FREM2: variants seen among roughly 807,000 people sequenced by gnomAD.
The protein encoded by FREM2 is FRAS1-related extracellular matrix protein 2.
FREM2 carries 119 observed loss-of-function variants against 219.9 expected under a neutral mutation model. That is an observed-to-expected ratio of 0.54 (90% CI 0.47 to 0.63). The LOEUF (loss-of-function observed/expected upper bound fraction) is 0.63. FREM2 is among the 30% of genes least tolerant of loss of function. The pLI, the probability that FREM2 is intolerant of heterozygous loss-of-function variation, is 0.00. For synonymous variants in FREM2, 1,562 were observed against 1,522.8 expected, an observed-to-expected ratio of 1.03 and a Z score of -0.60; for missense variants, 4,030 against 3,993.6, an observed-to-expected ratio of 1.01 and a Z score of -0.25.
chr13:38,763,481 C>T (rs55864343), intron 2 of FREM2, among the ~76,000 whole-genome samples: 3 of 101,396 alleles, frequency 3.0e-5, no homozygotes, highest in African/African-American at 5.1e-5. Flanking sequence ...TTTTTTTACA[C>T]CCTCTTTCAG....
intron 3 of FREM2, among the ~76,000 whole-genome samples, chr13:38,765,706 T>G (rs1873407586): frequency 6.6e-6 from 1 of 152,132 alleles, no homozygotes; most frequent in Non-Finnish European, 1.5e-5. Context: ...CCCTTACTTT[T>G]AAAATTCTTT....
At chr13:38,788,158 C>T (rs7338488) in intron 6 of FREM2, among the ~76,000 whole-genome samples, 77,749 of 151,894 alleles carry the variant, frequency 0.51, 21,855 homozygotes, top group Non-Finnish European at 0.64. Context: ...GCAAAATAAA[C>T]CCAGTTTACA....
At chr13:38,857,221 G>A (rs990337241) in intron 12 of FREM2, among the ~76,000 whole-genome samples, 5 of 152,118 alleles carry the variant, frequency 3.3e-5, no homozygotes, top group Non-Finnish European at 5.9e-5. Flanking sequence ...TACACGTAAA[G>A]ATAGTTCAGG....
chr13:38,765,208 C>A (rs3125306), intron 3 of FREM2, among the ~76,000 whole-genome samples: 13,343 of 152,194 alleles, frequency 0.088, 613 homozygotes, highest in South Asian at 0.17. Flanking sequence ...CCGCGCCCGG[C>A]CTCAAGTTCA....
chr13:38,715,332 G>A (rs568959437), intron 2 of FREM2, among the ~76,000 whole-genome samples: 1 of 152,284 alleles, frequency 6.6e-6, no homozygotes, highest in Admixed American at 6.5e-5. Context: ...AAAAAGTAGG[G>A]AAGGGTGGAT....
At chr13:38,778,710 G>A (rs565686298) in intron 4 of FREM2, among the ~76,000 whole-genome samples, 1 of 152,166 alleles carries the variant, frequency 6.6e-6, no homozygotes, top group Admixed American at 6.5e-5. Flanking sequence ...CTTAACACCT[G>A]GGTGATGAAA....
chr13:38,697,333 G>C (rs892599485), intron 1 of FREM2, among the ~76,000 whole-genome samples: 2 of 152,202 alleles, frequency 1.3e-5, no homozygotes, highest in African/African-American at 4.8e-5. Context: ...TTTCAAGAGT[G>C]CCAGGAAATC....
Position 38,688,399 on chromosome 13 carries a change from C to G in FREM2, c.1055C>G (p.Ser352Cys). The G allele has an allele frequency of 6.2e-7, 1 of 1,613,964 alleles. No homozygotes were observed. Residue 352 changes from serine to cysteine, a missense_variant, in exon 1 of 24, where the codon TCT becomes TGT. This residue lies in a region of FREM2 where 3,102 missense variants were observed against 2,950.7 expected (regional missense o/e 1.05). Transcript: ENST00000280481. ...MLAAEDAESP[S>C]DLLIFNLTSP... The stretch of plus-strand genomic sequence containing the variant: ...GCAGCCGAGGATGCTGAGTCTCCCT[C>G]TGACCTGTTGATCTTCAACCTTACT...
chr13:38,878,086 T>C (rs904726204), intron 21 of FREM2, 48 bp from the exon 22 acceptor site: 13 of 1,465,088 alleles, frequency 8.9e-6, no homozygotes, highest in African/African-American at 2.8e-5. Flanking sequence ...GTCACGTTGA[T>C]ATACCTTATC....
intron 2 of FREM2, among the ~76,000 whole-genome samples, chr13:38,754,745 G>A (rs1229224808): frequency 6.6e-6 from 1 of 151,946 alleles, no homozygotes; most frequent in Non-Finnish European, 1.5e-5. Context: ...ACCTGCACTT[G>A]AGTTCCAGTT....
At chr13:38,850,793 A>T (rs908019854) in intron 9 of FREM2, 151 bp from the exon 10 acceptor site, 28 of 806,600 alleles carry the variant, frequency 3.5e-5, no homozygotes, top group Admixed American at 5.9e-5. Flanking sequence ...TTATTCAGCA[A>T]ATATCTGCTG....
At chr13:38,727,312 G>A (rs757497375) in intron 2 of FREM2, among the ~76,000 whole-genome samples, 14 of 151,958 alleles carry the variant, frequency 9.2e-5, no homozygotes, top group East Asian at 1.9e-4. Context: ...GTGAAACCCC[G>A]TCTCTATTAA....
chr13:38,801,793 T>C (rs923459393), intron 6 of FREM2, among the ~76,000 whole-genome samples: 2 of 152,164 alleles, frequency 1.3e-5, no homozygotes, highest in African/African-American at 4.8e-5. Flanking sequence ...TAGTGGGTCA[T>C]GGTGGCCCAG....
chr13:38,728,989 C>T (rs1381306438), intron 2 of FREM2, among the ~76,000 whole-genome samples: 1 of 152,194 alleles, frequency 6.6e-6, no homozygotes, highest in Non-Finnish European at 1.5e-5. Context: ...GCATGCGCCA[C>T]CACACCCAGC....
chr13:38,729,762 A>G (rs1428683775), intron 2 of FREM2, among the ~76,000 whole-genome samples: 1 of 152,220 alleles, frequency 6.6e-6, no homozygotes, highest in African/African-American at 2.4e-5. Context: ...AAACTGTAGT[A>G]AATATGTCCT....
In FREM2 at chr13:38,886,067, C is replaced by G. The variant is rs555605315; in HGVS notation, c.*5280C>G. ...TTCTACTATGGATCTTTATTTTCCC[C>G]AATGTTTGGATCATCCTCTCAGATA... On this transcript the variant is annotated 3_prime_UTR_variant, in exon 24 of 24. Transcript: ENST00000280481. 6 of 152,102 alleles carry G rather than the reference C, an allele frequency of 3.9e-5. No individual in the cohort carries two copies. In the South Asian group the frequency reaches 1.2e-3, roughly 32 times the overall value. The allele number at this position is 152,102 out of a possible 1,614,324, so 9.4% of individuals were successfully genotyped here.
intron 2 of FREM2, among the ~76,000 whole-genome samples, chr13:38,753,049 G>A (rs556725279): frequency 1.3e-5 from 2 of 152,310 alleles, no homozygotes; most frequent in East Asian, 3.9e-4. Context: ...ACGAAATCTT[G>A]CTGCACCAGG....
At chr13:38,845,422 T>G (rs763783265) in intron 6 of FREM2, among the ~76,000 whole-genome samples, 8 of 152,198 alleles carry the variant, frequency 5.3e-5, no homozygotes, top group Non-Finnish European at 7.3e-5. Flanking sequence ...GAGTTGCATG[T>G]TCTTTTAGAT....
At chr13:38,739,399 A>G (rs1208595130) in intron 2 of FREM2, among the ~76,000 whole-genome samples, 4 of 152,184 alleles carry the variant, frequency 2.6e-5, no homozygotes, top group African/African-American at 4.8e-5. Flanking sequence ...GTGATTATGT[A>G]GAATCCTCTT....
Sources: allele counts gnomAD v4.1 joint callset (sites outside exome capture counted in the v4.1 genomes callset), GRCh38; gene constraint gnomAD v4.1.1; regional missense constraint gnomAD v4.1.1; transcripts MANE v1.5; gene names NCBI Gene and HGNC (gene_info 2026-07-23, HGNC 2026-07-21).